Variants in SYT3 observed in about 807,000 individuals in gnomAD.
The protein encoded by SYT3 is synaptotagmin 3.
In SYT3, 25 loss-of-function variants were observed where a neutral mutation model predicts 50.6. That is an observed-to-expected ratio of 0.49 (90% CI 0.36 to 0.69). The LOEUF (loss-of-function observed/expected upper bound fraction) is 0.69. Ranked by LOEUF, SYT3 falls within the 30% of genes least tolerant of loss-of-function variation. The pLI is 0.00. For missense variants in SYT3, 589 were observed against 793.6 expected (o/e 0.74, Z 3.10); for synonymous variants, 323 against 353.9 (o/e 0.91, Z 0.98).
intron 6 of SYT3, among the ~76,000 whole-genome samples, chr19:50,626,951 A>AAGAG (rs149199984): frequency 2.0e-5 from 3 of 147,920 alleles, no homozygotes; most frequent in Admixed American, 2.0e-4. Flanking sequence ...CACCAAGAGA[A>AAGAG]AGAGAGAGAG....
At chr19:50,656,283 G>A in the SYT3 span, 16 of 1,536,030 alleles carry the variant, frequency 1.0e-5, no homozygotes, top group East Asian at 7.3e-5. Context: ...GAGAACTCCC[G>A]TGCATCCGGA....
chr19:50,650,584 T>TTG, the SYT3 span, among the ~76,000 whole-genome samples: 1 of 152,020 alleles, frequency 6.6e-6, no homozygotes, highest in African/African-American at 2.4e-5. Flanking sequence ...GGCAGGAGAA[T>TTG]CGCTTGAACC....
chr19:50,631,184 T>C, intron 4 of SYT3, among the ~76,000 whole-genome samples: 1 of 138,042 alleles, frequency 7.2e-6, no homozygotes, highest in African/African-American at 2.8e-5. Flanking sequence ...TTTTTTTTTT[T>C]TGAGATGGAG....
chr19:50,645,030 C>T, the SYT3 span, among the ~76,000 whole-genome samples: 4 of 152,226 alleles, frequency 2.6e-5, no homozygotes, highest in African/African-American at 9.6e-5. Context: ...GATGCAGATA[C>T]ACTCAGAGGC....
rs768170643 is a variant in SYT3 at position 50,629,325 on chromosome 19, G to A, written c.1250C>T (p.Pro417Leu). Residue 417 changes from proline (P) to leucine (L), a missense_variant, in exon 6 of 11, where the codon CCG (proline) becomes CTG (leucine). Transcript: ENST00000600079. ...LELAEQPPDR[P>L]LWRDIVEGGS... is the part of the protein sequence containing the mutation. The stretch of plus-strand genomic sequence containing the variant: ...GCCCTCCACGATGTCCCTCCAGAGC[G>A]GGCGGTCAGGGGGCTGCTCGGCCAG... 34 of 1,611,706 alleles carry A rather than the reference G, an allele frequency of 2.1e-5. No homozygotes were observed. Among genetic ancestry groups the A allele is most frequent in the South Asian group, 2.1e-4 (19 of 90,772 alleles).
chr19:50,646,987 C>T, the SYT3 span, among the ~76,000 whole-genome samples: 25 of 152,028 alleles, frequency 1.6e-4, no homozygotes, highest in Non-Finnish European at 3.2e-4. Flanking sequence ...CCCGCCACCA[C>T]ACCCGGCTAA....
At chr19:50,645,663 G>T in the SYT3 span, among the ~76,000 whole-genome samples, 1 of 152,180 alleles carries the variant, frequency 6.6e-6, no homozygotes, top group Non-Finnish European at 1.5e-5. Flanking sequence ...CAGATAGCTT[G>T]AGCTCAAGAG....
chr19:50,637,256 G>T lies in SYT3; in HGVS notation c.148+8C>A, dbSNP rs1324555625. 1 of 1,612,360 alleles carries T rather than the reference G, an allele frequency of 6.2e-7. No individual in the cohort carries two copies. Among genetic ancestry groups the T allele is most frequent in the Non-Finnish European group, 8.5e-7 (1 of 1,179,362 alleles). ...AGGGGGCTGGCCAAGACAGGCAGGG[G>T]TGCTGACCTGCATCTGGACCCCGGG... On this transcript the variant is annotated splice_region_variant and intron_variant, in intron 3 of 10. Transcript: ENST00000600079. This position sits in a 1 kb window ranked among gnomAD's most constrained non-coding sequence, Gnocchi z 4.9.
At position 50,632,387 on chromosome 19, in the gene SYT3, C is replaced by G. The variant is rs148772753; in HGVS notation, c.573G>C (p.Glu191Asp). 1.6e-4 allele frequency: 263 copies of G among 1,613,394 alleles called. No homozygotes were observed. Among genetic ancestry groups the G allele is most frequent in the Admixed American group, 1.1e-3 (64 of 60,018 alleles). The change falls in exon 4 of 11, where the codon GAG becomes GAC. Residue 191 changes from glutamate (E) to aspartate (D), a missense_variant. Physicochemically the swap from Glu to Asp is conservative, Grantham distance 45. Coordinates refer to ENST00000600079, the MANE Select transcript of SYT3 (RefSeq NM_001160329.2). The surrounding 1 kb of genome is among the most constrained non-coding windows in gnomAD (Gnocchi z 4.7). ...PSQTSPELPS[E>D]GGAGSGLLLL... is the part of the protein sequence containing the mutation. ...GGAGCAACCCAGAGCCTGCTCCCCCCTCAGAGGGCAGCTCAGGGGATGTTT... is the reference window on the plus strand; with the variant it reads ...GGAGCAACCCAGAGCCTGCTCCCCCGTCAGAGGGCAGCTCAGGGGATGTTT...
intron 4 of SYT3, among the ~76,000 whole-genome samples, chr19:50,631,237 G>C (rs1381005709): frequency 6.9e-6 from 1 of 145,348 alleles, no homozygotes; most frequent in Non-Finnish European, 1.5e-5. Flanking sequence ...GTGCAATCTT[G>C]GCTCCCAGGT....
the SYT3 span, among the ~76,000 whole-genome samples, chr19:50,652,252 C>G: frequency 6.6e-6 from 1 of 152,032 alleles, no homozygotes; most frequent in Non-Finnish European, 1.5e-5. Flanking sequence ...AATTAGGGCC[C>G]AAACAAAGTG....
intron 4 of SYT3, among the ~76,000 whole-genome samples, chr19:50,631,933 T>C (rs1053956174): frequency 1.3e-5 from 2 of 152,112 alleles, no homozygotes; most frequent in South Asian, 4.1e-4. Flanking sequence ...CTACCAATCC[T>C]GGCTTAGGGT....
At chr19:50,623,224 A>G (rs1983912728) in intron 9 of SYT3, among the ~76,000 whole-genome samples, 1 of 152,064 alleles carries the variant, frequency 6.6e-6, no homozygotes, top group Non-Finnish European at 1.5e-5. Flanking sequence ...ACTCCTGGGA[A>G]GGTTGGTGGG....
At chr19:50,633,697 C>T (rs961031442) in intron 3 of SYT3, among the ~76,000 whole-genome samples, 1 of 152,208 alleles carries the variant, frequency 6.6e-6, no homozygotes, top group Admixed American at 6.5e-5. Flanking sequence ...AAGATAATAA[C>T]AAACATATCT....
At chr19:50,627,447 G>A (rs1455528229) in intron 6 of SYT3, among the ~76,000 whole-genome samples, 1 of 152,252 alleles carries the variant, frequency 6.6e-6, no homozygotes. Context: ...AAGGCTGGGT[G>A]CAGTGGCTGA....
In SYT3 at chr19:50,625,562, G is replaced by T; in HGVS notation, c.1405C>A (p.Pro469Thr). 3 of 1,581,754 alleles carry T rather than the reference G, an allele frequency of 1.9e-6. No homozygotes were observed. The highest frequency in any genetic ancestry group is 2.6e-6 in the Non-Finnish European group (3 of 1,165,298). The change falls in exon 8 of 11, where the codon CCC becomes ACC. Residue 469 changes from proline to threonine, a missense_variant and splice_region_variant. Transcript: ENST00000600079. This position sits in a 1 kb window ranked among gnomAD's most constrained non-coding sequence, Gnocchi z 7.5. ...CTGATCAGGGAGGCCTTCACGTAGG[G>T]GTCTGGGAACAGCAATGAAGTAAGG... ...KAMDLTGFSD[P>T]YVKASLISEG...
At chr19:50,640,973 C>T (rs1984657408), upstream of SYT3, among the ~76,000 whole-genome samples, 1 of 152,032 alleles carries the variant, frequency 6.6e-6, no homozygotes. Flanking sequence ...AATCCCAACA[C>T]TTTGGGAGGC....
upstream of SYT3, among the ~76,000 whole-genome samples, chr19:50,644,586 A>G (rs77168296): frequency 0.012 from 1,856 of 151,652 alleles, 36 homozygotes; most frequent in African/African-American, 0.042. Flanking sequence ...GAAGCTGCAG[A>G]AATAGACGAA....
Position 50,625,584 on chromosome 19 carries a change from A to G in SYT3, c.1403-20T>C, listed in dbSNP as rs373873031. The G allele has an allele frequency of 4.8e-5, 74 of 1,557,896 alleles. No individual in the cohort carries two copies. In the African/African-American group the frequency reaches 9.1e-4, roughly 19 times the overall value. On this transcript the variant is annotated intron_variant, in intron 7 of 10. Coordinates refer to ENST00000600079, the MANE Select transcript of SYT3 (RefSeq NM_001160329.2). The surrounding 1 kb of genome is among the most constrained non-coding windows in gnomAD (Gnocchi z 7.5). ...AGGGGTCTGGGAACAGCAATGAAGTAAGGAACAGAGACTCACTCCCTCAGA... is the reference window on the plus strand; with the variant it reads ...AGGGGTCTGGGAACAGCAATGAAGTGAGGAACAGAGACTCACTCCCTCAGA...
Sources: allele counts gnomAD v4.1 joint callset (sites outside exome capture counted in the v4.1 genomes callset), GRCh38; gene constraint gnomAD v4.1.1; non-coding constraint Gnocchi (gnomAD v3.1); transcripts MANE v1.5; gene names NCBI Gene and HGNC (gene_info 2026-07-23, HGNC 2026-07-21).